The following CDH4 variants were observed in gnomAD, a reference collection of about 807,000 sequenced individuals.
The protein encoded by CDH4 is cadherin 4, also known as cadherin-4.
CDH4 carries 33 observed loss-of-function variants against 86.0 expected under a neutral mutation model. That is an observed-to-expected ratio of 0.38 (90% CI 0.29 to 0.51). The LOEUF (loss-of-function observed/expected upper bound fraction) is 0.51, where lower values mean the gene tolerates loss of function less well. Among genes scored for constraint, CDH4 ranks in the 20% least tolerant of loss-of-function variants. The probability of loss-of-function intolerance (pLI) is 0.86; values close to 1 mark genes in which losing one functional copy is unlikely to be tolerated. For synonymous variants in CDH4, 555 were observed against 549.4 expected (o/e 1.01, Z -0.14); for missense variants, 1,114 against 1,307.4 (o/e 0.85, Z 2.28).
chr20:61,817,297 C>G (rs1377980756), intron 4 of CDH4, among the ~76,000 whole-genome samples: 1 of 152,136 alleles, frequency 6.6e-6, no homozygotes, highest in Admixed American at 6.5e-5. Flanking sequence ...CCCGCTAGGT[C>G]CCGGGCTGCA....
chr20:61,706,435 A>G (rs6061321), intron 2 of CDH4, among the ~76,000 whole-genome samples: 17,696 of 152,144 alleles, frequency 0.12, 1,157 homozygotes, highest in East Asian at 0.18. Flanking sequence ...CAACAATAAC[A>G]TGTGGGGCAC....
chr20:61,537,572 C>T (rs572431316), intron 2 of CDH4, among the ~76,000 whole-genome samples: 1 of 152,318 alleles, frequency 6.6e-6, no homozygotes, highest in African/African-American at 2.4e-5. Context: ...GGAAGGAAAT[C>T]GCCCTACCCC....
chr20:61,298,072 G>A (rs530546339), intron 2 of CDH4, among the ~76,000 whole-genome samples: 1 of 152,224 alleles, frequency 6.6e-6, no homozygotes, highest in South Asian at 2.1e-4. Context: ...CTTTGTGCAG[G>A]CGGGTTCAGC....
chr20:61,816,334 A>AG (rs1271198813), intron 4 of CDH4, among the ~76,000 whole-genome samples: 1 of 152,230 alleles, frequency 6.6e-6, no homozygotes, highest in Non-Finnish European at 1.5e-5. Flanking sequence ...TAAATAGAAA[A>AG]GGGGCCATTC....
chr20:61,843,628 G>C (rs1029327582), intron 4 of CDH4, among the ~76,000 whole-genome samples: 3 of 151,582 alleles, frequency 2.0e-5, no homozygotes, highest in Non-Finnish European at 4.4e-5. Context: ...AGGAGGTCAA[G>C]GCTGCAGTGA....
chr20:61,461,286 T>C (rs1302585710), intron 2 of CDH4, among the ~76,000 whole-genome samples: 1 of 152,068 alleles, frequency 6.6e-6, no homozygotes, highest in Non-Finnish European at 1.5e-5. Flanking sequence ...TTCCCTGCAA[T>C]TAAAAAGGGT....
chr20:61,852,711 G>A, intron 5 of CDH4, 43 bp from the exon 6 acceptor site: 4 of 1,588,258 alleles, frequency 2.5e-6, no homozygotes, highest in Non-Finnish European at 3.4e-6. Flanking sequence ...GCTGAGTGGG[G>A]GTGCCCACCC....
At chr20:61,504,325 G>A (rs1182925084) in intron 2 of CDH4, among the ~76,000 whole-genome samples, 1 of 152,216 alleles carries the variant, frequency 6.6e-6, no homozygotes, top group Non-Finnish European at 1.5e-5. Flanking sequence ...AAGCCTATTA[G>A]ATACTCAGAT....
At chr20:61,668,113 A>C (rs998636083) in intron 2 of CDH4, among the ~76,000 whole-genome samples, 1 of 152,244 alleles carries the variant, frequency 6.6e-6, no homozygotes, top group East Asian at 1.9e-4. Flanking sequence ...AAATTCTCCA[A>C]CCCTAAGAGA....
intron 2 of CDH4, among the ~76,000 whole-genome samples, chr20:61,699,909 CAGTG>C (rs957583673): frequency 5.3e-5 from 8 of 152,212 alleles, no homozygotes; most frequent in African/African-American, 1.9e-4. Flanking sequence ...ACAAACCAAA[CAGTG>C]AGGCCAGGGG....
intron 3 of CDH4, among the ~76,000 whole-genome samples, chr20:61,760,388 G>A (rs1662529197): frequency 6.6e-6 from 1 of 152,178 alleles, no homozygotes; most frequent in South Asian, 2.1e-4. Flanking sequence ...GCGGGGAGAG[G>A]GGTCCCAGGA....
chr20:61,344,563 C>T (rs1375069570), intron 2 of CDH4, among the ~76,000 whole-genome samples: 1 of 151,960 alleles, frequency 6.6e-6, no homozygotes, highest in Non-Finnish European at 1.5e-5. Context: ...CTATATTTGC[C>T]ATTGTTCTCA....
chr20:61,760,259 C>T (rs2088617563), intron 3 of CDH4, among the ~76,000 whole-genome samples: 1 of 152,210 alleles, frequency 6.6e-6, no homozygotes, highest in Admixed American at 6.5e-5. Flanking sequence ...ACATGAAACC[C>T]CTCCACGGGG....
chr20:61,845,391 G>T (rs571810066), intron 5 of CDH4, among the ~76,000 whole-genome samples: 2 of 152,188 alleles, frequency 1.3e-5, no homozygotes, highest in South Asian at 4.1e-4. Context: ...CTAGAGAGAC[G>T]TGGGGCTGCG....
rs570045341 is a variant in CDH4 at position 61,594,257 on chromosome 20, G to C, written c.170-149306G>C. ...GCTGAGCTGAGCAGGGGAAGAGGGT[G>C]GGGGGGAAGAGGGAAGGGGGGCTGA... On this transcript the variant is annotated intron_variant, in intron 2 of 15. Transcript: ENST00000614565. 3.9e-5 allele frequency among the ~76,000 whole-genome samples: 5 copies of C among 127,696 alleles called. No individual in the cohort carries two copies. The East Asian group carries it at 1.2e-3, about 30-fold the overall frequency. The allele number at this position is 127,696 out of a possible 152,430, so 83.8% of individuals were successfully genotyped here. A position where few individuals can be genotyped will look rare whatever the true frequency, so the allele number is the denominator to read the frequency against.
In CDH4 at chr20:61,873,667, G is replaced by T. The variant is rs1983896790; in HGVS notation, c.878-61G>T. On this transcript the variant is annotated intron_variant, in intron 6 of 15. Coordinates refer to ENST00000614565, the MANE Select transcript of CDH4 (RefSeq NM_001794.5). ...TGGTCGGGGGGCTCTGCCCAGGTGT[G>T]TGCGGGGGTGGCAGCCTGTGTGGCA... 17 of 1,558,406 alleles carry T rather than the reference G, an allele frequency of 1.1e-5. No homozygotes were observed. In the Admixed American group the frequency reaches 2.9e-4, roughly 27 times the overall value.
intron 2 of CDH4, among the ~76,000 whole-genome samples, chr20:61,282,567 G>A (rs1243558027): frequency 6.6e-6 from 1 of 151,378 alleles, no homozygotes; most frequent in East Asian, 1.9e-4. Context: ...GTGTGTGTGT[G>A]TGTGTATGTC....
intron 2 of CDH4, among the ~76,000 whole-genome samples, chr20:61,507,434 G>T (rs1265711085): frequency 1.2e-4 from 18 of 152,148 alleles, no homozygotes; most frequent in Admixed American, 1.2e-3. Flanking sequence ...ACGGGAGATC[G>T]CTGGCCAGCA....
chr20:61,606,666 C>T (rs6121446), intron 2 of CDH4, among the ~76,000 whole-genome samples: 4,690 of 152,342 alleles, frequency 0.031, 88 homozygotes, highest in Middle Eastern at 0.075. Context: ...TGCACCCCGC[C>T]GCTCCTCAGT....
Sources: gnomAD v4.1 joint callset for allele counts (sites outside exome capture counted in the v4.1 genomes callset) on GRCh38, gnomAD v4.1.1 for gene constraint, MANE v1.5 for transcripts, NCBI Gene and HGNC (gene_info 2026-07-23, HGNC 2026-07-21) for gene names.